Variants in CSMD3 observed in about 807,000 individuals in gnomAD.
CSMD3 encodes CUB and sushi domain-containing protein 3.
CSMD3 carries 177 observed loss-of-function variants against 435.2 expected under a neutral mutation model. The ratio of observed to expected loss-of-function variants is 0.41; its 90% CI spans 0.36 to 0.46. CSMD3 has a LOEUF of 0.46. Among genes scored for constraint, CSMD3 ranks in the 20% least tolerant of loss-of-function variants. CSMD3 has a pLI of 0.34. For synonymous variants in CSMD3, 1,656 were observed against 1,520.5 expected (o/e 1.09, Z -2.07); for missense variants, 4,265 against 4,504.6 (o/e 0.95, Z 1.52).
intron 34 of CSMD3, among the ~76,000 whole-genome samples, 196 bp from the exon 35 acceptor site, chr8:112,406,923 C>G (rs28762986): frequency 0.24 from 36,904 of 151,690 alleles, 4,706 homozygotes; most frequent in East Asian, 0.44. Context: ...TTATTGTCAT[C>G]AAGGTTTTTT....
intron 38 of CSMD3, among the ~76,000 whole-genome samples, chr8:112,369,899 A>C (rs1828158742): frequency 6.6e-6 from 1 of 151,656 alleles, no homozygotes; most frequent in Non-Finnish European, 1.5e-5. Flanking sequence ...AAATAAATAA[A>C]AATTAAATAA....
chr8:113,246,189 A>T (rs542453720), intron 3 of CSMD3, among the ~76,000 whole-genome samples: 1 of 151,756 alleles, frequency 6.6e-6, no homozygotes, highest in South Asian at 2.1e-4. Context: ...CCTCTTCTTC[A>T]TCATAGAGTC....
intron 32 of CSMD3, among the ~76,000 whole-genome samples, chr8:112,410,189 G>A (rs1031405829): frequency 4.6e-5 from 7 of 151,652 alleles, no homozygotes; most frequent in African/African-American, 1.7e-4. Context: ...TAGTTTTTAG[G>A]CCTGTAAAAA....
At chr8:112,633,001 A>G (rs1235941585) in intron 22 of CSMD3, among the ~76,000 whole-genome samples, 2 of 152,022 alleles carry the variant, frequency 1.3e-5, no homozygotes, top group Non-Finnish European at 2.9e-5. Flanking sequence ...AATGTGAAGT[A>G]TAATTACAGA....
intron 13 of CSMD3, among the ~76,000 whole-genome samples, chr8:112,699,900 TGAC>T (rs2076350583): frequency 6.6e-6 from 1 of 152,072 alleles, no homozygotes; most frequent in African/African-American, 2.4e-5. Flanking sequence ...GAAAGAGACA[TGAC>T]AACAATGCAA....
intron 32 of CSMD3, among the ~76,000 whole-genome samples, chr8:112,447,110 T>G (rs1815694695): frequency 6.6e-6 from 1 of 152,160 alleles, no homozygotes; most frequent in African/African-American, 2.4e-5. Context: ...TTATCAAATT[T>G]TATGTCAGTA....
chr8:112,764,651 T>C (rs2077930632), intron 13 of CSMD3, among the ~76,000 whole-genome samples: 1 of 151,626 alleles, frequency 6.6e-6, no homozygotes, highest in Admixed American at 6.6e-5. Flanking sequence ...TATTATATTG[T>C]TAAAAATTAG....
intron 32 of CSMD3, among the ~76,000 whole-genome samples, chr8:112,443,932 C>T (rs1012917962): frequency 6.6e-6 from 1 of 152,012 alleles, no homozygotes; most frequent in African/African-American, 2.4e-5. Flanking sequence ...CTCATAACAG[C>T]CCTATAAAGT....
chr8:113,011,087 T>G (rs947933163), intron 6 of CSMD3, among the ~76,000 whole-genome samples: 1 of 151,656 alleles, frequency 6.6e-6, no homozygotes, highest in Non-Finnish European at 1.5e-5. Context: ...CCTCTAATAA[T>G]TCTGGCAGTC....
chr8:112,471,142 G>C (rs1318283005), intron 32 of CSMD3, among the ~76,000 whole-genome samples: 1 of 152,082 alleles, frequency 6.6e-6, no homozygotes, highest in Non-Finnish European at 1.5e-5. Context: ...TATTTGTCAG[G>C]ACATTAAATG....
chr8:112,663,502 G>C (rs1385153943), intron 17 of CSMD3, among the ~76,000 whole-genome samples: 1 of 116,324 alleles, frequency 8.6e-6, no homozygotes, highest in Non-Finnish European at 1.7e-5. Flanking sequence ...GGGGGGAGGG[G>C]GGAGGGATAG....
chr8:113,190,980 T>C (rs552352978), intron 3 of CSMD3, among the ~76,000 whole-genome samples: 1 of 151,990 alleles, frequency 6.6e-6, no homozygotes, highest in Admixed American at 6.6e-5. Flanking sequence ...TTCAATTCCT[T>C]AAAGAAAAAT....
chr8:112,716,299 C>T lies in CSMD3; in HGVS notation c.1973-26249G>A, dbSNP rs531243050. Among the ~76,000 whole-genome samples the T allele has an allele frequency of 9.9e-5, 15 of 152,080 alleles. 1 individual carries two copies. On this transcript the variant is annotated intron_variant, in intron 13 of 70. Coordinates refer to ENST00000297405, the MANE Select transcript of CSMD3 (RefSeq NM_198123.2). ...CCAACTATAGATAAGCAGAGAGCCA[C>T]AACATGAATAAACTCCCATTCACAA... is the stretch of plus-strand genomic sequence containing the variant.
chr8:112,606,419 G>A (rs1419170819), intron 22 of CSMD3, among the ~76,000 whole-genome samples: 1 of 152,138 alleles, frequency 6.6e-6, no homozygotes, highest in Non-Finnish European at 1.5e-5. Context: ...GCTACTAATA[G>A]CTCCACTGAC....
At chr8:112,952,214 G>A (rs1486840771) in intron 8 of CSMD3, among the ~76,000 whole-genome samples, 2 of 150,798 alleles carry the variant, frequency 1.3e-5, no homozygotes, top group Non-Finnish European at 3.0e-5. Context: ...AACACTACTG[G>A]AGCTTCTTTA....
At chr8:112,464,365 G>A (rs1817749538) in intron 32 of CSMD3, among the ~76,000 whole-genome samples, 1 of 152,036 alleles carries the variant, frequency 6.6e-6, no homozygotes. Flanking sequence ...CTGATGAGTT[G>A]ATGAAAACTT....
chr8:112,729,821 A>G (rs2132007239), intron 13 of CSMD3, among the ~76,000 whole-genome samples: 1 of 152,230 alleles, frequency 6.6e-6, no homozygotes, highest in African/African-American at 2.4e-5. Context: ...TGGAAGAGGC[A>G]AGGAACTGAT....
At chr8:113,102,309 T>C (rs971043313) in intron 4 of CSMD3, among the ~76,000 whole-genome samples, 10 of 152,128 alleles carry the variant, frequency 6.6e-5, no homozygotes, top group South Asian at 2.1e-4. Flanking sequence ...TAGGATCATA[T>C]TGGTTATTTG....
intron 2 of CSMD3, among the ~76,000 whole-genome samples, chr8:113,306,331 C>T (rs1204803255): frequency 6.6e-6 from 1 of 152,010 alleles, no homozygotes; most frequent in East Asian, 1.9e-4. Context: ...AAATCTTTAT[C>T]GTCAGCTAAT....
Sources: allele counts gnomAD v4.1 joint callset (sites outside exome capture counted in the v4.1 genomes callset), GRCh38; gene constraint gnomAD v4.1.1; transcripts MANE v1.5; gene names NCBI Gene and HGNC (gene_info 2026-07-23, HGNC 2026-07-21).